Variants in AUTS2 observed in about 807,000 individuals in gnomAD.
The protein encoded by AUTS2 is activator of transcription and developmental regulator AUTS2, also known as autism susceptibility gene 2 protein.
A neutral mutation model predicts 112.4 loss-of-function variants in AUTS2; 17 were observed. That is an observed-to-expected ratio of 0.15 (90% CI 0.10 to 0.23). AUTS2 has a LOEUF of 0.23. Among genes scored for constraint, AUTS2 ranks in the 10% least tolerant of loss-of-function variants. AUTS2 has a pLI of 1.00. For synonymous variants in AUTS2, 751 were observed against 702.7 expected (o/e 1.07, Z -1.09); for missense variants, 1,510 against 1,701.6 (o/e 0.89, Z 1.98).
At chr7:70,446,850 A>G (rs986772329) in intron 5 of AUTS2, among the ~76,000 whole-genome samples, 1 of 152,160 alleles carries the variant, frequency 6.6e-6, no homozygotes. Flanking sequence ...GCCCTGAGAA[A>G]GAAGCAGGGA....
chr7:69,943,681 G>T (rs1332660158), intron 2 of AUTS2, among the ~76,000 whole-genome samples: 1 of 152,168 alleles, frequency 6.6e-6, no homozygotes, highest in East Asian at 1.9e-4. Context: ...GGATTTGAAA[G>T]AGAACAAATT....
chr7:70,626,197 GC>G (rs1804933510), intron 5 of AUTS2, among the ~76,000 whole-genome samples: 1 of 151,290 alleles, frequency 6.6e-6, no homozygotes, highest in Non-Finnish European at 1.5e-5. Flanking sequence ...ACAGGCGTGA[GC>G]CACCATGCCT....
At chr7:69,602,005 GAT>G (rs1256244354) in intron 1 of AUTS2, among the ~76,000 whole-genome samples, 38 of 115,616 alleles carry the variant, frequency 3.3e-4, no homozygotes, top group Middle Eastern at 4.9e-3. Context: ...GACAAGTAGG[GAT>G]ATATGTGTGT....
intron 5 of AUTS2, among the ~76,000 whole-genome samples, chr7:70,695,829 G>T (rs1408742686): frequency 6.6e-6 from 1 of 152,150 alleles, no homozygotes; most frequent in African/African-American, 2.4e-5. Context: ...GCAGCCAAAA[G>T]AGAGCTTTGG....
intron 4 of AUTS2, among the ~76,000 whole-genome samples, chr7:70,213,010 G>C (rs1810985773): frequency 6.6e-6 from 1 of 152,082 alleles, no homozygotes; most frequent in East Asian, 1.9e-4. Flanking sequence ...ACATTTCACA[G>C]TAGCCAAAAG....
intron 1 of AUTS2, among the ~76,000 whole-genome samples, chr7:69,777,556 G>C (rs1213963104): frequency 3.9e-5 from 6 of 152,070 alleles, no homozygotes; most frequent in African/African-American, 1.2e-4. Context: ...AGGCACTACT[G>C]TTTTACTCTA....
At position 70,368,869 on chromosome 7, in the gene AUTS2, G is replaced by A. The variant is rs112480991; in HGVS notation, c.661-66883G>A. ...GCAAAAATATGATCCACCAAGAGCAGCGTGAGGGGTCTTACAAGAGTGGTA... is the reference window on the plus strand; with the variant it reads ...GCAAAAATATGATCCACCAAGAGCAACGTGAGGGGTCTTACAAGAGTGGTA... On this transcript the variant is annotated intron_variant, in intron 4 of 18. Coordinates refer to ENST00000342771, the MANE Select transcript of AUTS2 (RefSeq NM_015570.4). 2.6e-4 allele frequency among the ~76,000 whole-genome samples: 39 copies of A among 152,258 alleles called. 2 individuals are homozygous for A. Among genetic ancestry groups the A allele is most frequent in the African/African-American group, 8.9e-4 (37 of 41,542 alleles).
chr7:70,514,244 C>G (rs1379273349), intron 5 of AUTS2, among the ~76,000 whole-genome samples: 1 of 152,138 alleles, frequency 6.6e-6, no homozygotes. Context: ...CACAGTCAAC[C>G]ATTGTTTCTT....
intron 2 of AUTS2, among the ~76,000 whole-genome samples, chr7:69,960,583 G>C (rs1797389392): frequency 6.6e-6 from 1 of 152,164 alleles, no homozygotes; most frequent in Non-Finnish European, 1.5e-5. Context: ...GTATTTACAT[G>C]CACATTTTTA....
At chr7:69,667,892 G>A (rs941656902) in intron 1 of AUTS2, among the ~76,000 whole-genome samples, 1 of 152,094 alleles carries the variant, frequency 6.6e-6, no homozygotes, top group African/African-American at 2.4e-5. Flanking sequence ...ATAAAACAAT[G>A]TGTATACTTC....
At chr7:69,977,292 T>C (rs117114627) in intron 2 of AUTS2, among the ~76,000 whole-genome samples, 1,882 of 152,334 alleles carry the variant, frequency 0.012, 21 homozygotes, top group Non-Finnish European at 0.02. Flanking sequence ...TATATTCCAT[T>C]GGTCTGTTTA....
intron 2 of AUTS2, among the ~76,000 whole-genome samples, chr7:69,925,634 C>G (rs1795978701): frequency 6.6e-6 from 1 of 152,160 alleles, no homozygotes; most frequent in South Asian, 2.1e-4. Flanking sequence ...GATCATAGCT[C>G]ATTGCACCCT....
chr7:70,393,365 C>T lies in AUTS2; in HGVS notation c.661-42387C>T, dbSNP rs1187791067. On this transcript the variant is annotated intron_variant, in intron 4 of 18. Transcript: ENST00000342771. ...GAATTGGTGTTTTACTAACCAGCAG[C>T]GCTTGCCAGAGTGCCCGCTTTTGAG... Among the ~76,000 whole-genome samples, 6 of 152,172 alleles carry T rather than the reference C, an allele frequency of 3.9e-5. No homozygotes were observed. The East Asian group carries it at 7.7e-4, about 20-fold the overall frequency.
At chr7:70,608,230 A>C (rs1803885405) in intron 5 of AUTS2, among the ~76,000 whole-genome samples, 1 of 152,124 alleles carries the variant, frequency 6.6e-6, no homozygotes. Context: ...CAGCCTCCCA[A>C]GTAGCTGAGA....
At chr7:69,653,754 G>C (rs184563268) in intron 1 of AUTS2, among the ~76,000 whole-genome samples, 1 of 152,092 alleles carries the variant, frequency 6.6e-6, no homozygotes, top group Admixed American at 6.5e-5. Context: ...GCTGCTGGAA[G>C]AATGTGTGCT....
chr7:70,721,149 C>T (rs1226118001), intron 6 of AUTS2, among the ~76,000 whole-genome samples: 1 of 151,954 alleles, frequency 6.6e-6, no homozygotes, highest in Non-Finnish European at 1.5e-5. Context: ...CTCTACTGGG[C>T]TCCTGATATA....
Position 70,790,609 on chromosome 7 carries a change from C to CCAT in AUTS2, c.3395_3396insTCA (p.His1133dup). 1 of 1,608,452 alleles carries CCAT rather than the reference C, an allele frequency of 6.2e-7. No individual in the cohort carries two copies. Among genetic ancestry groups the CCAT allele is most frequent in the South Asian group, 1.1e-5 (1 of 90,414 alleles). ...ACTACAGCCACCACCACCACCACCACCACCACCCGCTGTCTGTGGACCCTC... is the reference window on the plus strand; with the variant it reads ...ACTACAGCCACCACCACCACCACCACCATCACCACCCGCTGTCTGTGGACCCTC... On this transcript the variant is annotated inframe_insertion, in exon 19 of 19. Transcript: ENST00000342771. The surrounding 1 kb of genome is among the most constrained non-coding windows in gnomAD (Gnocchi z 7.6).
chr7:69,835,535 T>C (rs1791684362), intron 1 of AUTS2, among the ~76,000 whole-genome samples: 1 of 152,152 alleles, frequency 6.6e-6, no homozygotes, highest in Admixed American at 6.5e-5. Context: ...ATAGGTCTTT[T>C]GATTCAGTGT....
At chr7:70,627,832 G>A (rs899225047) in intron 5 of AUTS2, among the ~76,000 whole-genome samples, 13 of 152,348 alleles carry the variant, frequency 8.5e-5, no homozygotes, top group African/African-American at 3.1e-4. Context: ...TAATTTCTGT[G>A]CTGTGCAGTC....
Sources: allele counts gnomAD v4.1 joint callset (sites outside exome capture counted in the v4.1 genomes callset), GRCh38; gene constraint gnomAD v4.1.1; non-coding constraint Gnocchi (gnomAD v3.1); transcripts MANE v1.5; gene names NCBI Gene and HGNC (gene_info 2026-07-23, HGNC 2026-07-21).